ABCG1: variants seen among roughly 807,000 people sequenced by gnomAD.
The protein encoded by ABCG1 is ATP-binding cassette sub-family G member 1.
In ABCG1, 29 loss-of-function variants were observed where a neutral mutation model predicts 69.2. That is an observed-to-expected ratio of 0.42 (90% confidence interval 0.31 to 0.57). ABCG1 has a LOEUF of 0.57. Among genes scored for constraint, ABCG1 ranks in the 20% least tolerant of loss-of-function variants. ABCG1 has a pLI of 0.15. For missense variants in ABCG1, 718 were observed against 898.1 expected (o/e 0.80, Z 2.56); for synonymous variants, 370 against 374.8 (o/e 0.99, Z 0.15).
At chr21:42,226,764 C>T (rs1207365642) in intron 2 of ABCG1, among the ~76,000 whole-genome samples, 1 of 152,156 alleles carries the variant, frequency 6.6e-6, no homozygotes, top group African/African-American at 2.4e-5. Context: ...ACGTGTCAGA[C>T]TTCATCAAGA....
At chr21:42,262,026 C>G (rs117434656) in intron 2 of ABCG1, among the ~76,000 whole-genome samples, 1 of 152,188 alleles carries the variant, frequency 6.6e-6, no homozygotes, top group African/African-American at 2.4e-5. Flanking sequence ...AACTGCAACT[C>G]GTTCAATGAA....
intron 2 of ABCG1, among the ~76,000 whole-genome samples, chr21:42,261,624 C>T (rs1408482223): frequency 1.3e-5 from 2 of 152,168 alleles, no homozygotes; most frequent in African/African-American, 4.8e-5. Flanking sequence ...CGCATTGCCT[C>T]GCTCTGGCTT....
chr21:42,276,509 T>C lies in ABCG1; in HGVS notation c.538-386T>C. The C allele has an allele frequency of 4.5e-6, 1 of 221,016 alleles. No homozygotes were observed. The highest frequency in any genetic ancestry group is 9.1e-6 in the Non-Finnish European group (1 of 109,938). 13.7% of individuals were successfully genotyped at this position (221,016 alleles called of 1,614,324 possible). A position where few individuals can be genotyped will look rare whatever the true frequency, so the allele number is the denominator to read the frequency against. ...CTGAGATAGCAGGAAGCATCGCACA[T>C]GGACTGCTCTCCTGCCATCCTACCA... is the stretch of plus-strand genomic sequence containing the variant. On this transcript the variant is annotated intron_variant, in intron 4 of 14. Transcript: ENST00000398449. The surrounding 1 kb of genome is among the most constrained non-coding windows in gnomAD (Gnocchi z 5.3).
At chr21:42,215,278 C>T (rs1226054318), upstream of ABCG1, among the ~76,000 whole-genome samples, 3 of 152,238 alleles carry the variant, frequency 2.0e-5, no homozygotes, top group African/African-American at 7.2e-5. Flanking sequence ...CTGCACCCAC[C>T]CTCACAAGCA....
rs115841791 is a variant in ABCG1 at position 42,277,426 on chromosome 21, A to G, written c.588+481A>G. On this transcript the variant is annotated intron_variant, in intron 5 of 14. Coordinates refer to ENST00000398449, the MANE Select transcript of ABCG1 (RefSeq NM_016818.3). ...ACCGGCCTCTTAAAAAAGAAAATAA[A>G]TACGTTTCCAGGATGATGAAGACTT... Among the ~76,000 whole-genome samples, 457 of 152,284 alleles carry G rather than the reference A, an allele frequency of 3.0e-3. 3 individuals carry two copies. Among genetic ancestry groups the G allele is most frequent in the African/African-American group, 0.01 (434 of 41,540 alleles).
At chr21:42,205,756 T>C (rs1024648772) in intron 2 of ABCG1, among the ~76,000 whole-genome samples, 3 of 152,202 alleles carry the variant, frequency 2.0e-5, no homozygotes, top group Non-Finnish European at 4.4e-5. Flanking sequence ...TTTTCTACAT[T>C]CTTGAGGTAA....
intron 2 of ABCG1, among the ~76,000 whole-genome samples, chr21:42,232,783 A>G (rs1377304238): frequency 3.3e-5 from 5 of 152,224 alleles, no homozygotes; most frequent in Non-Finnish European, 7.3e-5. Flanking sequence ...GAAATCACCA[A>G]AGGTGACATT....
chr21:42,279,511 C>G (rs559753776), intron 5 of ABCG1, among the ~76,000 whole-genome samples: 1 of 152,214 alleles, frequency 6.6e-6, no homozygotes, highest in Non-Finnish European at 1.5e-5. Context: ...TGCCCCGAGC[C>G]GAGCTTCACC....
chr21:42,273,526 G>C lies in ABCG1; in HGVS notation c.537+91G>C. 1.4e-6 allele frequency: 2 copies of C among 1,468,820 alleles called. No individual in the cohort carries two copies. The highest frequency in any genetic ancestry group is 1.8e-6 in the Non-Finnish European group (2 of 1,090,408). 91.0% of individuals were successfully genotyped at this position (1,468,820 alleles called of 1,614,324 possible). A position where few individuals can be genotyped will look rare whatever the true frequency, so the allele number is the denominator to read the frequency against. On this transcript the variant is annotated intron_variant, in intron 4 of 14. Coordinates refer to ENST00000398449, the MANE Select transcript of ABCG1 (RefSeq NM_016818.3). This position sits in a 1 kb window ranked among gnomAD's most constrained non-coding sequence, Gnocchi z 5.3. ...CAGCACTGGCCGAGTGCCCAGCTGC[G>C]AGGGACCCAAGGGCTCTGCCACGCG...
upstream of ABCG1, among the ~76,000 whole-genome samples, chr21:42,215,587 G>T (rs2067631066): frequency 6.6e-6 from 1 of 152,204 alleles, no homozygotes; most frequent in Non-Finnish European, 1.5e-5. Context: ...GTTCTGTCCT[G>T]ATCACACTGA....
chr21:42,296,612 G>A lies in ABCG1; in HGVS notation c.*220G>A, dbSNP rs1441993881. ...TTCTAGCTTTAACTAGGAAGATGTA[G>A]GCAGATTGGTGGTTTTTTTTTTTTT... On this transcript the variant is annotated 3_prime_UTR_variant, in exon 15 of 15. Coordinates refer to ENST00000398449, the MANE Select transcript of ABCG1 (RefSeq NM_016818.3). This position sits in a 1 kb window ranked among gnomAD's most constrained non-coding sequence, Gnocchi z 5.4. The A allele has an allele frequency of 3.6e-6, 2 of 548,214 alleles. No individual in the cohort carries two copies. Among genetic ancestry groups the A allele is most frequent in the East Asian group, 5.9e-5 (2 of 33,866 alleles). 34.0% of individuals were successfully genotyped at this position (548,214 alleles called of 1,614,324 possible).
intron 4 of ABCG1, among the ~76,000 whole-genome samples, chr21:42,275,529 C>T (rs1398872377): frequency 2.0e-5 from 3 of 152,222 alleles, no homozygotes; most frequent in Non-Finnish European, 4.4e-5. Context: ...TGAACAGCTC[C>T]TGCGTCTTGG....
chr21:42,281,692 C>T (rs1396254335), intron 5 of ABCG1, among the ~76,000 whole-genome samples: 1 of 152,182 alleles, frequency 6.6e-6, no homozygotes, highest in Non-Finnish European at 1.5e-5. Flanking sequence ...TCCCCGAGAG[C>T]CCTGGTGTGT....
chr21:42,248,895 C>T (rs578210489), intron 2 of ABCG1, among the ~76,000 whole-genome samples: 11 of 130,170 alleles, frequency 8.5e-5, no homozygotes, highest in Middle Eastern at 4.0e-3. Context: ...CAGAGCAAGA[C>T]CTCTCTCAAA....
chr21:42,225,674 G>A lies in ABCG1; in HGVS notation c.46G>A (p.Ala16Thr), dbSNP rs1569207752. The change falls in exon 2 of 15, where the codon GCC becomes ACC. Residue 16 changes from alanine (A) to threonine (T), a missense_variant. Ala to Thr is a moderately conservative substitution (Grantham distance 58, BLOSUM62 0). This residue lies in a region of ABCG1 where 514 missense variants were observed against 574.3 expected (regional missense o/e 0.90). Transcript: ENST00000398449. ...TTGCTTCCTCTGGTTTTTCTAGAAT[G>A]CCAGCAGTTACTCTGCAGAGATGAC... ...AAFSVGTAMNASSYSAEMTEP... is the reference protein window; with the variant it reads ...AAFSVGTAMNTSSYSAEMTEP... 6.2e-7 allele frequency: 1 copy of A among 1,612,136 alleles called. No homozygotes were observed. The highest frequency in any genetic ancestry group is 8.5e-7 in the Non-Finnish European group (1 of 1,179,716).
chr21:42,269,646 C>T (rs1370037770), intron 2 of ABCG1, among the ~76,000 whole-genome samples: 3 of 152,218 alleles, frequency 2.0e-5, no homozygotes, highest in African/African-American at 4.8e-5. Flanking sequence ...GACTGGCTTC[C>T]GCAGCTCTCT....
rs1350370492 is a variant in ABCG1 at position 42,284,439 on chromosome 21, C to T, written c.735-121C>T. 8.8e-6 allele frequency: 11 copies of T among 1,253,636 alleles called. No homozygotes were observed. In the East Asian group the frequency reaches 2.3e-4, roughly 26 times the overall value. The allele number at this position is 1,253,636 out of a possible 1,614,324, so 77.7% of individuals were successfully genotyped here. ...CAGAGCCCGGCCTGGGACGGGGCAG[C>T]TGCAGCTGCAGCCCCTGATGCCAAG... On this transcript the variant is annotated intron_variant, in intron 6 of 14. Coordinates refer to ENST00000398449, the MANE Select transcript of ABCG1 (RefSeq NM_016818.3).
intron 2 of ABCG1, among the ~76,000 whole-genome samples, chr21:42,206,245 G>A (rs976698891): frequency 2.0e-5 from 3 of 152,144 alleles, no homozygotes; most frequent in African/African-American, 7.2e-5. Flanking sequence ...AGCTACTCAG[G>A]AGGCTGAGAC....
chr21:42,269,806 C>A (rs1393672208), intron 2 of ABCG1, among the ~76,000 whole-genome samples: 2 of 152,162 alleles, frequency 1.3e-5, no homozygotes, highest in African/African-American at 4.8e-5. Context: ...AACATAAAGG[C>A]TTGGGTGCCC....
Sources: gnomAD v4.1 joint callset for allele counts (sites outside exome capture counted in the v4.1 genomes callset) on GRCh38, gnomAD v4.1.1 for gene constraint, gnomAD v4.1.1 regional missense constraint, Gnocchi (gnomAD v3.1) non-coding constraint, MANE v1.5 for transcripts, NCBI Gene and HGNC (gene_info 2026-07-23, HGNC 2026-07-21) for gene names.